The following CATSPER3 variants were observed in gnomAD, a reference collection of about 807,000 sequenced individuals.
CATSPER3 encodes the protein cation channel sperm associated 3, also known as cation channel sperm-associated protein 3.
In CATSPER3, 23 loss-of-function variants were observed where a neutral mutation model predicts 36.6. That is an observed-to-expected ratio of 0.63 (90% CI 0.45 to 0.89). The LOEUF is 0.89. Ranked by LOEUF, CATSPER3 falls within the 40% of genes least tolerant of loss-of-function variation. The probability of loss-of-function intolerance (pLI) is 0.00; values close to 1 mark genes in which losing one functional copy is unlikely to be tolerated. For missense variants in CATSPER3, 474 were observed against 503.9 expected (o/e 0.94, Z 0.57); for synonymous variants, 172 against 184.1 (o/e 0.93, Z 0.53).
At chr5:134,996,595 C>G (rs1341752040) in intron 3 of CATSPER3, 83 bp downstream of exon 3, 1 of 1,383,582 alleles carries the variant, frequency 7.2e-7, no homozygotes, top group Non-Finnish European at 1.0e-6. Flanking sequence ...AATAATGACT[C>G]TACTACCATC....
At chr5:134,996,563 T>C in intron 3 of CATSPER3, 51 bp downstream of exon 3, 1 of 1,601,834 alleles carries the variant, frequency 6.2e-7, no homozygotes, top group Non-Finnish European at 8.5e-7. Flanking sequence ...CGTAGGCCCA[T>C]TTGCCCCCAA....
chr5:134,986,512 A>G (rs1189677236), intron 2 of CATSPER3, among the ~76,000 whole-genome samples: 2 of 130,582 alleles, frequency 1.5e-5, no homozygotes, highest in Non-Finnish European at 3.1e-5. Flanking sequence ...CCCAGGCTGG[A>G]GTGCAATGGC....
chr5:134,980,364 TCTTC>T (rs1442668213), intron 2 of CATSPER3, among the ~76,000 whole-genome samples: 3 of 134,858 alleles, frequency 2.2e-5, no homozygotes, highest in African/African-American at 5.5e-5. Context: ...CTCCCTCCTC[TCTTC>T]CTTCCTTCCC....
chr5:134,976,453 C>T (rs1751676007), intron 2 of CATSPER3, among the ~76,000 whole-genome samples: 2 of 150,968 alleles, frequency 1.3e-5, no homozygotes, highest in African/African-American at 4.9e-5. Context: ...GCTCCCGGGG[C>T]CTTGGGAAGC....
Position 135,008,280 on chromosome 5 carries a change from C to T in CATSPER3, c.675+141C>T, listed in dbSNP as rs112988619. On this transcript the variant is annotated intron_variant, in intron 4 of 7. Transcript: ENST00000282611. ...CATCTGGGCCTAGGGAAGCTGGGGT[C>T]TGTTCCCCATCACAAGCCAGCACCC... 1.4e-3 allele frequency: 1,021 copies of T among 706,190 alleles called. 7 individuals are homozygous for T. The African/African-American group carries it at 0.016, about 11-fold the overall frequency. 43.7% of individuals were successfully genotyped at this position (706,190 alleles called of 1,614,324 possible).
intron 2 of CATSPER3, among the ~76,000 whole-genome samples, chr5:134,985,672 G>GCTGCAATCCCAGCACTCACATCTGCAATC (rs1366413759): frequency 3.9e-5 from 6 of 151,974 alleles, no homozygotes; most frequent in Non-Finnish European, 5.9e-5. Flanking sequence ...ACTTTGGAAG[G>GCTGCAATCCCAGCACTCACATCTGCAATC]CCAAGATGGG....
chr5:135,007,342 G>A (rs1468829505), intron 3 of CATSPER3, among the ~76,000 whole-genome samples: 2 of 152,330 alleles, frequency 1.3e-5, no homozygotes, highest in South Asian at 2.1e-4. Flanking sequence ...CTGCATGCAA[G>A]ACTCCAGAGC....
chr5:135,004,218 G>T (rs1752056657), intron 3 of CATSPER3, among the ~76,000 whole-genome samples: 1 of 152,196 alleles, frequency 6.6e-6, no homozygotes, highest in African/African-American at 2.4e-5. Context: ...AGTGGTTATT[G>T]ACTTGTCCAC....
chr5:134,985,890 T>A (rs1260396114), intron 2 of CATSPER3, among the ~76,000 whole-genome samples: 1 of 151,700 alleles, frequency 6.6e-6, no homozygotes, highest in Non-Finnish European at 1.5e-5. Flanking sequence ...TAGAGCAAGA[T>A]CTTGTCTCAA....
intron 2 of CATSPER3, among the ~76,000 whole-genome samples, chr5:134,972,833 C>G (rs937004715): frequency 1.3e-5 from 2 of 151,906 alleles, no homozygotes; most frequent in Non-Finnish European, 2.9e-5. Context: ...ACAATAAACA[C>G]CAAAACATAT....
intron 2 of CATSPER3, among the ~76,000 whole-genome samples, chr5:134,970,887 A>G (rs1429134316): frequency 6.6e-6 from 1 of 151,982 alleles, no homozygotes; most frequent in African/African-American, 2.4e-5. Flanking sequence ...CATGGTTTTT[A>G]AGTCTCCTTG....
chr5:134,997,267 CCA>C (rs1205653632), intron 3 of CATSPER3, among the ~76,000 whole-genome samples: 1 of 152,222 alleles, frequency 6.6e-6, no homozygotes, highest in African/African-American at 2.4e-5. Context: ...GGGCCTGGCC[CCA>C]CACTCTGGGA....
At chr5:134,998,505 A>G (rs1195408062) in intron 3 of CATSPER3, among the ~76,000 whole-genome samples, 2 of 152,242 alleles carry the variant, frequency 1.3e-5, no homozygotes, top group African/African-American at 4.8e-5. Context: ...ACTGTCTTCC[A>G]CAATGGTTGA....
chr5:134,982,322 A>C (rs191307333), intron 2 of CATSPER3, among the ~76,000 whole-genome samples: 49 of 152,308 alleles, frequency 3.2e-4, no homozygotes, highest in East Asian at 3.9e-4. Context: ...ATTTGATGAG[A>C]GACATGAATA....
At chr5:134,975,381 G>GATAA (rs1554068000) in intron 2 of CATSPER3, 1 of 150,890 alleles carries the variant, frequency 6.6e-6, no homozygotes, top group Non-Finnish European at 1.5e-5. Flanking sequence ...TATAAAAAAA[G>GATAA]ACAAACAAAC....
At position 134,968,013 on chromosome 5, in the gene CATSPER3, C is replaced by G; in HGVS notation, c.22C>G (p.Arg8Gly). MSQHRHQRHSRVISSSPV... is the reference protein window; with the variant it reads MSQHRHQGHSRVISSSPV... The stretch of plus-strand genomic sequence containing the variant: ...GAAAATGTCTCAACACCGTCACCAG[C>G]GCCACTCGAGAGTCATTTCTAGTTC... The change falls in exon 1 of 8, where the codon CGC (arginine) becomes GGC (glycine). Residue 8 changes from arginine (R) to glycine (G), a missense_variant. Transcript: ENST00000282611. The G allele has an allele frequency of 6.2e-7, 1 of 1,613,904 alleles. No homozygotes were observed. Among genetic ancestry groups the G allele is most frequent in the Non-Finnish European group, 8.5e-7 (1 of 1,179,806 alleles).
rs571801968 is a variant in CATSPER3 at position 134,973,235 on chromosome 5, T to C, written c.252+3143T>C. Among the ~76,000 whole-genome samples, 3 of 152,256 alleles carry C rather than the reference T, an allele frequency of 2.0e-5. No individual in the cohort carries two copies. The South Asian group carries it at 6.2e-4, about 32-fold the overall frequency. On this transcript the variant is annotated intron_variant, in intron 2 of 7. Transcript: ENST00000282611. ...TTATTTGTAGAACTAATATTAATTGTGGTTTAGCAGAGAGAATATAGTATA... is the reference window on the plus strand; with the variant it reads ...TTATTTGTAGAACTAATATTAATTGCGGTTTAGCAGAGAGAATATAGTATA...
chr5:134,983,418 C>G (rs576789773), intron 2 of CATSPER3, among the ~76,000 whole-genome samples: 3 of 152,042 alleles, frequency 2.0e-5, no homozygotes, highest in South Asian at 4.2e-4. Context: ...GCCTGTAGTC[C>G]CAGCTACCCA....
intron 6 of CATSPER3, 36 bp downstream of exon 6, chr5:135,009,526 G>A: frequency 1.9e-6 from 2 of 1,056,744 alleles, no homozygotes; most frequent in South Asian, 3.4e-5. Flanking sequence ...ACAGATGGGT[G>A]GATGGATCGT....
Sources: gnomAD v4.1 joint callset for allele counts (sites outside exome capture counted in the v4.1 genomes callset) on GRCh38, gnomAD v4.1.1 for gene constraint, MANE v1.5 for transcripts, NCBI Gene and HGNC (gene_info 2026-07-23, HGNC 2026-07-21) for gene names.